SGMS2: variants seen among roughly 807,000 people sequenced by gnomAD.
SGMS2 encodes the protein sphingomyelin synthase 2, also known as phosphatidylcholine:ceramide cholinephosphotransferase 2.
Under a neutral mutation model 43.8 loss-of-function variants are expected in SGMS2, and 21 were observed. That is an observed-to-expected ratio of 0.48 (90% CI 0.34 to 0.69). The LOEUF is 0.69. Ranked by LOEUF, SGMS2 falls within the 30% of genes least tolerant of loss-of-function variation. The probability of loss-of-function intolerance (pLI) is 0.01; values close to 1 mark genes in which losing one functional copy is unlikely to be tolerated. For synonymous variants in SGMS2, 167 were observed against 160.6 expected, an observed-to-expected ratio of 1.04 and a Z score of -0.30; for missense variants, 384 against 443.2, an observed-to-expected ratio of 0.87 and a Z score of 1.20.
At chr4:107,880,864 A>AAG (rs1553931825) in intron 2 of SGMS2, among the ~76,000 whole-genome samples, 4,206 of 147,580 alleles carry the variant, frequency 0.028, 107 homozygotes, top group Non-Finnish European at 0.033. Flanking sequence ...AAAAAAAAAA[A>AAG]AAAGAAAGAA....
In SGMS2 at chr4:107,833,189, C is replaced by G. The variant is rs1222117009; in HGVS notation, c.-327+7936C>G. Among the ~76,000 whole-genome samples the G allele has an allele frequency of 2.6e-5, 4 of 152,208 alleles. No individual in the cohort carries two copies. In the East Asian group the frequency reaches 7.7e-4, roughly 29 times the overall value. ...ACACTCAGCTGAGCAAGACTAGCAG[C>G]AATCTCAGGCCTCCTGTCCTAACAG... On this transcript the variant is annotated intron_variant, in intron 1 of 6. Coordinates refer to ENST00000690982, the MANE Select transcript of SGMS2 (RefSeq NM_001375905.1).
At chr4:107,864,837 T>C (rs1727996935) in intron 2 of SGMS2, among the ~76,000 whole-genome samples, 1 of 152,200 alleles carries the variant, frequency 6.6e-6, no homozygotes, top group South Asian at 2.1e-4. Context: ...CCCTGTTTTA[T>C]ATGCAGTCTT....
chr4:107,866,793 A>T (rs1364498877), intron 2 of SGMS2: 1 of 151,996 alleles, frequency 6.6e-6, no homozygotes, highest in African/African-American at 2.4e-5. Context: ...CATATCTTTT[A>T]TTTCTTTCGT....
chr4:107,847,288 G>C (rs895416083), intron 1 of SGMS2, among the ~76,000 whole-genome samples: 3 of 152,114 alleles, frequency 2.0e-5, no homozygotes, highest in African/African-American at 7.2e-5. Context: ...ATTGATTTTT[G>C]TATAAGGTGT....
chr4:107,889,206 T>G (rs1471351025), intron 2 of SGMS2, among the ~76,000 whole-genome samples: 1 of 152,192 alleles, frequency 6.6e-6, no homozygotes, highest in Non-Finnish European at 1.5e-5. Flanking sequence ...ATGTAGCTAT[T>G]TTTTATTAAA....
At chr4:107,871,387 C>A (rs978326837) in intron 2 of SGMS2, among the ~76,000 whole-genome samples, 3 of 152,086 alleles carry the variant, frequency 2.0e-5, no homozygotes, top group Non-Finnish European at 4.4e-5. Context: ...CACTAAACTT[C>A]AAATGTTATT....
chr4:107,831,567 T>A (rs1378895082), intron 1 of SGMS2, among the ~76,000 whole-genome samples: 1 of 152,232 alleles, frequency 6.6e-6, no homozygotes, highest in Non-Finnish European at 1.5e-5. Context: ...CAATCATTAT[T>A]TTCTGCATAT....
rs567871626 is a variant in SGMS2, at chr4:107,834,488, GT to G, written c.-327+9236del. Among the ~76,000 whole-genome samples the G allele has an allele frequency of 9.8e-4, 149 of 152,276 alleles. 1 individual carries two copies. The highest frequency in any genetic ancestry group is 1.7e-3 in the Non-Finnish European group (113 of 68,020). ...TGTCATACCTTTGCATTTGTTTAGG[GT>G]GAAATGATAGTCCCAGCATGGTGAT... On this transcript the variant is annotated intron_variant, in intron 1 of 6. Coordinates refer to ENST00000690982, the MANE Select transcript of SGMS2 (RefSeq NM_001375905.1).
At chr4:107,838,345 A>G (rs1304447962) in intron 1 of SGMS2, among the ~76,000 whole-genome samples, 7 of 152,206 alleles carry the variant, frequency 4.6e-5, no homozygotes. Context: ...TCAAAGCACA[A>G]ATTAATTACT....
intron 2 of SGMS2, among the ~76,000 whole-genome samples, chr4:107,887,983 T>G (rs1391638506): frequency 6.6e-6 from 1 of 152,204 alleles, no homozygotes; most frequent in African/African-American, 2.4e-5. Context: ...GGGACCCATA[T>G]GCTTGTCTTG....
At chr4:107,830,001 A>G (rs967657400) in intron 1 of SGMS2, among the ~76,000 whole-genome samples, 2 of 152,130 alleles carry the variant, frequency 1.3e-5, no homozygotes, top group Non-Finnish European at 2.9e-5. Context: ...AGTACCTGAT[A>G]GGTAGTTTTT....
At position 107,914,682 on chromosome 4, in the gene SGMS2, T is replaced by C. The variant is rs561866019; in HGVS notation, c.*4129T>C. ...GAAATGCTTACATTTTAATCAAATA[T>C]GTAAATTTCAGAAGCTCTTTTTTCC... On this transcript the variant is annotated 3_prime_UTR_variant, in exon 7 of 7. Transcript: ENST00000690982. 6.5e-4 allele frequency: 99 copies of C among 152,294 alleles called. No homozygotes were observed. The highest frequency in any genetic ancestry group is 9.0e-4 in the Non-Finnish European group (61 of 67,988). 9.4% of individuals were successfully genotyped at this position (152,294 alleles called of 1,614,324 possible).
In SGMS2 at chr4:107,824,969, A is replaced by G. The variant is rs2125975834; in HGVS notation, c.-611A>G. 6.6e-6 allele frequency: 1 copy of G among 150,968 alleles called. No individual in the cohort carries two copies. The highest frequency in any genetic ancestry group is 6.6e-5 in the Admixed American group (1 of 15,150). The allele number at this position is 150,968 out of a possible 1,614,324, so 9.4% of individuals were successfully genotyped here. ...GCCGTGGGCCGAGTGGGGCGGGGAG[A>G]CCCAGCCCTCGGCGCGCACGGAGCC... On this transcript the variant is annotated 5_prime_UTR_variant, in exon 1 of 7. Coordinates refer to ENST00000690982, the MANE Select transcript of SGMS2 (RefSeq NM_001375905.1).
At chr4:107,858,588 G>C (rs944661148) in intron 2 of SGMS2, 35 bp downstream of exon 2, 5 of 152,256 alleles carry the variant, frequency 3.3e-5, no homozygotes, top group African/African-American at 1.2e-4. Context: ...GGAAACAGTA[G>C]GTTTGGTGCT....
chr4:107,864,650 T>C (rs1483901514), intron 2 of SGMS2, among the ~76,000 whole-genome samples: 1 of 152,218 alleles, frequency 6.6e-6, no homozygotes, highest in Non-Finnish European at 1.5e-5. Context: ...TATTAAGGTG[T>C]ATAACATGAT....
chr4:107,862,697 C>T lies in SGMS2; in HGVS notation c.-245+4144C>T, dbSNP rs79110411. Among the ~76,000 whole-genome samples the T allele has an allele frequency of 9.1e-3, 1,382 of 152,264 alleles. 18 individuals are homozygous for T. Among genetic ancestry groups the T allele is most frequent in the African/African-American group, 0.031 (1,306 of 41,546 alleles). On this transcript the variant is annotated intron_variant, in intron 2 of 6. Coordinates refer to ENST00000690982, the MANE Select transcript of SGMS2 (RefSeq NM_001375905.1). ...AAGAGTGAGAAAGTGGGAAAGAACA[C>T]TGTCAAGTTTAAGCACTAAATCAGC...
rs183229712 is a variant in SGMS2 at position 107,914,661 on chromosome 4, T to C, written c.*4108T>C. 23 of 152,278 alleles carry C rather than the reference T, an allele frequency of 1.5e-4. No homozygotes were observed. The highest frequency in any genetic ancestry group is 4.1e-4 in the South Asian group (2 of 4,828). 9.4% of individuals were successfully genotyped at this position (152,278 alleles called of 1,614,324 possible). On this transcript the variant is annotated 3_prime_UTR_variant, in exon 7 of 7. Coordinates refer to ENST00000690982, the MANE Select transcript of SGMS2 (RefSeq NM_001375905.1). ...ATGCTATTGTGATAGTTTTATGAAA[T>C]GCTTACATTTTAATCAAATATGTAA...
chr4:107,910,989 T>C lies in SGMS2; in HGVS notation c.*436T>C, dbSNP rs1732078005. ...AAATAGAACTGCCTAATGTTGAGAG[T>C]GGTTTTTAGCATTAGGTTTAGCAAG... On this transcript the variant is annotated 3_prime_UTR_variant, in exon 7 of 7. Transcript: ENST00000690982. 1 of 161,270 alleles carries C rather than the reference T, an allele frequency of 6.2e-6. No homozygotes were observed. The highest frequency in any genetic ancestry group is 1.4e-5 in the Non-Finnish European group (1 of 73,492). 10.0% of individuals were successfully genotyped at this position (161,270 alleles called of 1,614,324 possible).
At chr4:107,886,316 T>C (rs1729746410) in intron 2 of SGMS2, among the ~76,000 whole-genome samples, 1 of 150,654 alleles carries the variant, frequency 6.6e-6, no homozygotes, top group South Asian at 2.1e-4. Context: ...CCTCTAACCT[T>C]AGCCTCCCAA....
Sources: gnomAD v4.1 joint callset for allele counts (sites outside exome capture counted in the v4.1 genomes callset) on GRCh38, gnomAD v4.1.1 for gene constraint, MANE v1.5 for transcripts, NCBI Gene and HGNC (gene_info 2026-07-23, HGNC 2026-07-21) for gene names.